Variants in AGBL4 observed in about 807,000 individuals in gnomAD.
AGBL4 encodes AGBL carboxypeptidase 4, also known as cytosolic carboxypeptidase 6.
Under a neutral mutation model 66.4 loss-of-function variants are expected in AGBL4, and 58 were observed. The ratio of observed to expected loss-of-function variants is 0.87; its 90% CI spans 0.71 to 1.09. The LOEUF (loss-of-function observed/expected upper bound fraction) is 1.09. Ranked by LOEUF, AGBL4 falls within the 50% of genes least tolerant of loss-of-function variation. AGBL4 has a pLI of 0.00. For synonymous variants in AGBL4, 234 were observed against 222.9 expected (o/e 1.05, Z -0.44); for missense variants, 579 against 631.0 (o/e 0.92, Z 0.88).
At chr1:49,277,088 TAA>T in intron 3 of AGBL4, among the ~76,000 whole-genome samples, 1 of 152,174 alleles carries the variant, frequency 6.6e-6, no homozygotes, top group Non-Finnish European at 1.5e-5. Flanking sequence ...GAATAAAAAG[TAA>T]AGAGTCATTT....
intron 9 of AGBL4, among the ~76,000 whole-genome samples, chr1:48,620,894 G>T (rs1306462395): frequency 6.6e-6 from 1 of 152,072 alleles, no homozygotes; most frequent in Non-Finnish European, 1.5e-5. Context: ...CCATTTTGCA[G>T]ATAGGGCTAT....
At chr1:49,978,587 T>C (rs756705668) in intron 1 of AGBL4, among the ~76,000 whole-genome samples, 1 of 152,194 alleles carries the variant, frequency 6.6e-6, no homozygotes, top group Admixed American at 6.5e-5. Context: ...CATTCAGTCA[T>C]AAACATGATG....
rs1338711192 is a variant in AGBL4, at chr1:49,045,743, G to T, written c.435C>A (p.Asn145Lys). ...YYYRCPDHRK[N>K]YVMSFAFCFD... ...AACAAAAGGCAAAGGACATCACATAGTTCTTCCTATGGTCCGGGCAGCGGT... is the reference window on the plus strand; with the variant it reads ...AACAAAAGGCAAAGGACATCACATATTTCTTCCTATGGTCCGGGCAGCGGT... The change falls in exon 5 of 14, where the codon AAC becomes AAA. Residue 145 changes from asparagine (N) to lysine (K), a missense_variant. Physicochemically the swap from Asn to Lys is moderately conservative, Grantham distance 94. Transcript: ENST00000371839. 3.2e-6 allele frequency: 5 copies of T among 1,551,952 alleles called. No homozygotes were observed. Among genetic ancestry groups the T allele is most frequent in the Non-Finnish European group, 4.4e-6 (5 of 1,146,962 alleles).
chr1:49,177,731 G>A (rs1646858202), intron 4 of AGBL4, among the ~76,000 whole-genome samples: 1 of 152,036 alleles, frequency 6.6e-6, no homozygotes, highest in Non-Finnish European at 1.5e-5. Context: ...CCCCTGAAGG[G>A]GTAATCATAT....
At chr1:49,843,219 TG>T (rs890851775) in intron 2 of AGBL4, among the ~76,000 whole-genome samples, 1 of 152,076 alleles carries the variant, frequency 6.6e-6, no homozygotes, top group African/African-American at 2.4e-5. Flanking sequence ...CTCGACCTTC[TG>T]GGCTCGGGTG....
intron 4 of AGBL4, among the ~76,000 whole-genome samples, chr1:49,111,257 C>T (rs1027221854): frequency 1.9e-4 from 29 of 152,134 alleles, no homozygotes; most frequent in African/African-American, 5.3e-4. Flanking sequence ...GGAGTACAGG[C>T]GCCTGCCACC....
intron 3 of AGBL4, among the ~76,000 whole-genome samples, chr1:49,389,012 C>T (rs1644794182): frequency 6.6e-6 from 1 of 152,032 alleles, no homozygotes; most frequent in Non-Finnish European, 1.5e-5. Flanking sequence ...GCAAGAAAAC[C>T]ATGAGATCAC....
At chr1:48,607,621 C>G (rs533033886) in intron 9 of AGBL4, among the ~76,000 whole-genome samples, 2 of 152,014 alleles carry the variant, frequency 1.3e-5, no homozygotes, top group Admixed American at 6.6e-5. Context: ...TCCATCCCCC[C>G]ACCCCCAGAA....
chr1:49,258,098 G>A (rs1052307511), intron 3 of AGBL4, among the ~76,000 whole-genome samples: 1 of 152,204 alleles, frequency 6.6e-6, no homozygotes, highest in Non-Finnish European at 1.5e-5. Context: ...TGAGGATCCT[G>A]TCTGTTGAAA....
intron 6 of AGBL4, among the ~76,000 whole-genome samples, chr1:48,764,692 T>G (rs963424778): frequency 1.3e-5 from 2 of 152,216 alleles, no homozygotes; most frequent in Non-Finnish European, 2.9e-5. Context: ...TCTGTCGCTT[T>G]GTAGGTGTGA....
intron 2 of AGBL4, among the ~76,000 whole-genome samples, chr1:49,766,300 G>A (rs958085647): frequency 8.5e-5 from 13 of 152,062 alleles, no homozygotes; most frequent in Non-Finnish European, 2.9e-5. Flanking sequence ...ATTTTTAAGA[G>A]AAGAAATTCC....
chr1:49,064,777 T>C (rs889850427), intron 4 of AGBL4, among the ~76,000 whole-genome samples: 1 of 152,200 alleles, frequency 6.6e-6, no homozygotes, highest in Admixed American at 6.5e-5. Flanking sequence ...ATTTCATATA[T>C]GGTCTTTGTA....
At chr1:49,339,746 G>T (rs1323191551) in intron 3 of AGBL4, among the ~76,000 whole-genome samples, 3 of 152,138 alleles carry the variant, frequency 2.0e-5, no homozygotes, top group African/African-American at 7.2e-5. Context: ...CTCCAGCAAA[G>T]ATAATCATGG....
At chr1:49,226,208 C>T (rs1649896064) in intron 4 of AGBL4, among the ~76,000 whole-genome samples, 1 of 152,026 alleles carries the variant, frequency 6.6e-6, no homozygotes. Context: ...CATTTCCAGC[C>T]TTAATGCATA....
chr1:49,242,408 T>G (rs1439460444), intron 4 of AGBL4, among the ~76,000 whole-genome samples: 1 of 151,982 alleles, frequency 6.6e-6, no homozygotes, highest in Non-Finnish European at 1.5e-5. Context: ...AACATCCCCA[T>G]GCATGGAATG....
chr1:49,582,775 C>A (rs890156273), intron 3 of AGBL4, among the ~76,000 whole-genome samples: 2 of 152,176 alleles, frequency 1.3e-5, no homozygotes, highest in Non-Finnish European at 2.9e-5. Context: ...TTTCTGGCCA[C>A]TCCCCAAGTC....
Position 49,845,864 on chromosome 1 carries a change from T to C in AGBL4, c.157+5532A>G, listed in dbSNP as rs1646128743. 4 of 1,428,324 alleles carry C rather than the reference T, an allele frequency of 2.8e-6. No individual in the cohort carries two copies. In the South Asian group the frequency reaches 3.5e-5, roughly 12 times the overall value. The allele number at this position is 1,428,324 out of a possible 1,614,324, so 88.5% of individuals were successfully genotyped here. A position where few individuals can be genotyped will look rare whatever the true frequency, so the allele number is the denominator to read the frequency against. On this transcript the variant is annotated intron_variant, in intron 2 of 13. Coordinates refer to ENST00000371839, the MANE Select transcript of AGBL4 (RefSeq NM_032785.4). ...AGTCAGTGTGGGAAGGCCTTCCTTC[T>C]GGCAGAGCACAAACCTCACACACCA...
At chr1:49,350,854 C>T (rs1166779549) in intron 3 of AGBL4, among the ~76,000 whole-genome samples, 1 of 152,064 alleles carries the variant, frequency 6.6e-6, no homozygotes, top group East Asian at 1.9e-4. Context: ...GCTGCTTCTT[C>T]TACTTTTATA....
At chr1:48,880,899 T>C (rs556505764) in intron 5 of AGBL4, among the ~76,000 whole-genome samples, 66 of 152,322 alleles carry the variant, frequency 4.3e-4, no homozygotes, top group Non-Finnish European at 7.9e-4. Flanking sequence ...ATTTTTCCAA[T>C]ACTGTTACAT....
Sources: allele counts gnomAD v4.1 joint callset (sites outside exome capture counted in the v4.1 genomes callset), GRCh38; gene constraint gnomAD v4.1.1; transcripts MANE v1.5; gene names NCBI Gene and HGNC (gene_info 2026-07-23, HGNC 2026-07-21).